GTPBP2: variants seen among roughly 807,000 people sequenced by gnomAD.
GTPBP2 encodes GTP binding protein 2, also known as GTP-binding protein 2.
In GTPBP2, 32 loss-of-function variants were observed where a neutral mutation model predicts 63.0. The observed-to-expected ratio is 0.51, with a 90% CI of 0.38 to 0.68. The LOEUF is 0.68. Among genes scored for constraint, GTPBP2 ranks in the 30% least tolerant of loss-of-function variants. The pLI is 0.00. For synonymous variants in GTPBP2, 310 were observed against 322.6 expected, an observed-to-expected ratio of 0.96 and a Z score of 0.42; for missense variants, 492 against 796.9, an observed-to-expected ratio of 0.62 and a Z score of 4.61.
At chr6:43,631,100 G>A (rs1328428833), upstream of GTPBP2, among the ~76,000 whole-genome samples, 10 of 152,132 alleles carry the variant, frequency 6.6e-5, no homozygotes, top group Admixed American at 6.5e-4. Flanking sequence ...TACTGATCAT[G>A]CTGTCCACAT....
Position 43,622,673 on chromosome 6 carries a change from G to C in GTPBP2, c.1427C>G (p.Thr476Arg). 1.2e-6 allele frequency: 2 copies of C among 1,614,034 alleles called. No individual in the cohort carries two copies. Among genetic ancestry groups the C allele is most frequent in the Non-Finnish European group, 1.7e-6 (2 of 1,179,898 alleles). Reference sequence around the variant, plus strand: ...ACGGTCAAAGTCCCCAAGCGCCAGTGTAGCAGCCTGACCAGCTCGCAGCAC... The same window carrying C: ...ACGGTCAAAGTCCCCAAGCGCCAGTCTAGCAGCCTGACCAGCTCGCAGCAC... ...CRVLRAGQAA[T>R]LALGDFDRAL... Residue 476 changes from threonine to arginine, a missense_variant, in exon 10 of 12, where the codon ACA becomes AGA. This residue lies in a region of GTPBP2 where 400 missense variants were observed against 710.8 expected (regional missense o/e 0.56). Coordinates refer to ENST00000307126, the MANE Select transcript of GTPBP2 (RefSeq NM_019096.5). This position sits in a 1 kb window ranked among gnomAD's most constrained non-coding sequence, Gnocchi z 5.4.
upstream of GTPBP2, chr6:43,629,546 A>T (rs555030318): frequency 3.1e-6 from 2 of 646,308 alleles, no homozygotes; most frequent in Non-Finnish European, 5.5e-6. Flanking sequence ...CTTGGGGGGA[A>T]TTTAGAGCCT....
Position 43,622,215 on chromosome 6 carries a change from G to GAA in GTPBP2, c.1468-49_1468-48insTT, listed in dbSNP as rs1323474133. 15 of 1,542,756 alleles carry GAA rather than the reference G, an allele frequency of 9.7e-6. No homozygotes were observed. In the Admixed American group the frequency reaches 1.7e-4, roughly 18 times the overall value. ...CCCAGGAAGGGCAGCTCTAACATCA[G>GAA]ACTCTCCCTCCCCAGCCACCCCACA... On this transcript the variant is annotated intron_variant, in intron 10 of 11. Coordinates refer to ENST00000307126, the MANE Select transcript of GTPBP2 (RefSeq NM_019096.5). The surrounding 1 kb of genome is among the most constrained non-coding windows in gnomAD (Gnocchi z 5.4).
chr6:43,623,697 TGAGGGCTGAGTGGG>T lies in GTPBP2; in HGVS notation c.1295+26_1295+39del, dbSNP rs1360277871. Reference sequence around the variant, plus strand: ...GCCAGGATGTCTTTGAGTATATAGGTGAGGGCTGAGTGGGGAGGGTAGCAAGCAAGACAATTTAC... The same window carrying T: ...GCCAGGATGTCTTTGAGTATATAGGTGAGGGTAGCAAGCAAGACAATTTAC... On this transcript the variant is annotated intron_variant, in intron 9 of 11. Coordinates refer to ENST00000307126, the MANE Select transcript of GTPBP2 (RefSeq NM_019096.5). The T allele has an allele frequency of 2.7e-6, 4 of 1,476,736 alleles. No homozygotes were observed. The African/African-American group carries it at 4.2e-5, about 15-fold the overall frequency. The allele number at this position is 1,476,736 out of a possible 1,614,324, so 91.5% of individuals were successfully genotyped here.
rs1343335853 is a variant in GTPBP2 at position 43,621,120 on chromosome 6, A to G, written c.*494T>C. On this transcript the variant is annotated 3_prime_UTR_variant, in exon 12 of 12. Transcript: ENST00000307126. ...CCATTTCTTCAGACTCTGGGCCGCCACCACCACCAGATGGCCAAGAGCAGA... is the reference window on the plus strand; with the variant it reads ...CCATTTCTTCAGACTCTGGGCCGCCGCCACCACCAGATGGCCAAGAGCAGA... The G allele has an allele frequency of 9.7e-6, 3 of 309,728 alleles. No homozygotes were observed. Among genetic ancestry groups the G allele is most frequent in the African/African-American group, 2.2e-5 (1 of 46,188 alleles). The allele number at this position is 309,728 out of a possible 1,614,324, so 19.2% of individuals were successfully genotyped here.
In GTPBP2 at chr6:43,629,115, T is replaced by G; in HGVS notation, c.48A>C (p.Gly16=). Residue 16 remains glycine (G), a synonymous_variant, in exon 1 of 12, where the codon GGA becomes GGC. Transcript: ENST00000307126. ...GGGTTCCGCCCACGGCCGGGCCCCCTCCGGGCCGGCAGCAGCCGCCGAACA... is the reference window on the plus strand; with the variant it reads ...GGGTTCCGCCCACGGCCGGGCCCCCGCCGGGCCGGCAGCAGCCGCCGAACA... The part of the protein sequence containing the change: ...SELFGGCCRP[G]GGPAVGGTLK... 1.8e-6 allele frequency: 2 copies of G among 1,120,080 alleles called. No individual in the cohort carries two copies. Among genetic ancestry groups the G allele is most frequent in the Non-Finnish European group, 2.4e-6 (2 of 828,044 alleles). The allele number at this position is 1,120,080 out of a possible 1,614,324, so 69.4% of individuals were successfully genotyped here.
At position 43,626,145 on chromosome 6, in the gene GTPBP2, C is replaced by T; in HGVS notation, c.398+81G>A. 7.5e-7 allele frequency: 1 copy of T among 1,336,316 alleles called. No homozygotes were observed. Among genetic ancestry groups the T allele is most frequent in the Non-Finnish European group, 1.1e-6 (1 of 950,428 alleles). The allele number at this position is 1,336,316 out of a possible 1,614,324, so 82.8% of individuals were successfully genotyped here. The stretch of plus-strand genomic sequence containing the variant: ...AAGAGAAGGAAAGTCCCACCTTGGC[C>T]CCTCAGGCCCTAGGTAACTGGGTAT... On this transcript the variant is annotated intron_variant, in intron 3 of 11. Transcript: ENST00000307126. The surrounding 1 kb of genome is among the most constrained non-coding windows in gnomAD (Gnocchi z 4.0).
In GTPBP2 at chr6:43,625,667, C is replaced by T; in HGVS notation, c.507+89G>A. On this transcript the variant is annotated intron_variant, in intron 4 of 11. Coordinates refer to ENST00000307126, the MANE Select transcript of GTPBP2 (RefSeq NM_019096.5). The surrounding 1 kb of genome is among the most constrained non-coding windows in gnomAD (Gnocchi z 5.1). ...TAGGGAGCAAGTGATGAACTGGAAG[C>T]CCCCAGGATCCCAGGCCAGGAGACA... is the stretch of plus-strand genomic sequence containing the variant. 1 of 1,386,232 alleles carries T rather than the reference C, an allele frequency of 7.2e-7. No homozygotes were observed. Among genetic ancestry groups the T allele is most frequent in the Non-Finnish European group, 1.0e-6 (1 of 973,356 alleles). The allele number at this position is 1,386,232 out of a possible 1,614,324, so 85.9% of individuals were successfully genotyped here.
chr6:43,629,793 C>A, upstream of GTPBP2: 1 of 1,562,792 alleles, frequency 6.4e-7, no homozygotes, highest in Admixed American at 1.9e-5. Flanking sequence ...AACGCCAGGG[C>A]GGAGGCGGAT....
At position 43,623,784 on chromosome 6, in the gene GTPBP2, G is replaced by A; in HGVS notation, c.1248C>T (p.Ile416=). The A allele has an allele frequency of 6.2e-7, 1 of 1,613,608 alleles. No homozygotes were observed. Among genetic ancestry groups the A allele is most frequent in the Non-Finnish European group, 8.5e-7 (1 of 1,179,480 alleles). Residue 416 remains isoleucine, a synonymous_variant, in exon 9 of 12, where the codon ATC becomes ATT. Transcript: ENST00000307126. ...CAGTCCCCACCTCTGGTACTGTGTA[G>A]ATTTCATCCACCTGAAGCCAAAGAA... ...QQLTEFQVDE[I]YTVPEVGTVV...
At position 43,623,764 on chromosome 6, in the gene GTPBP2, C is replaced by T; in HGVS notation, c.1268G>A (p.Gly423Glu). The change falls in exon 9 of 12, where the codon GGG becomes GAG. Residue 423 changes from glycine to glutamate, a missense_variant. Coordinates refer to ENST00000307126, the MANE Select transcript of GTPBP2 (RefSeq NM_019096.5). ...GGAAAGTGTTCCTCCAACAACAGTC[C>T]CCACCTCTGGTACTGTGTAGATTTC... is the stretch of plus-strand genomic sequence containing the variant. Reference protein sequence around the residue: ...VDEIYTVPEVGTVVGGTLSSG... With the variant: ...VDEIYTVPEVETVVGGTLSSG... The T allele has an allele frequency of 6.2e-7, 1 of 1,613,664 alleles. No individual in the cohort carries two copies. Among genetic ancestry groups the T allele is most frequent in the Non-Finnish European group, 8.5e-7 (1 of 1,179,602 alleles).
chr6:43,630,843 A>G (rs893784635), upstream of GTPBP2, among the ~76,000 whole-genome samples: 3 of 134,888 alleles, frequency 2.2e-5, no homozygotes, highest in African/African-American at 8.5e-5. Context: ...CGGGAGGTAG[A>G]GGTTATAGTG....
upstream of GTPBP2, chr6:43,629,822 G>A: frequency 6.5e-7 from 1 of 1,544,056 alleles, no homozygotes; most frequent in Non-Finnish European, 8.7e-7. Flanking sequence ...GCCAAATTAC[G>A]GCTGTTATTG....
rs564394746 is a variant in GTPBP2, at chr6:43,624,394, G to A, written c.1100+116C>T. ...TCCACAATCCCAAGCTGAAACACCC[G>A]CAGAACTAAGCCAGAACTGGTCTGG... On this transcript the variant is annotated intron_variant, in intron 7 of 11. Transcript: ENST00000307126. This position sits in a 1 kb window ranked among gnomAD's most constrained non-coding sequence, Gnocchi z 5.1. 2.0e-5 allele frequency: 16 copies of A among 788,524 alleles called. No homozygotes were observed. The highest frequency in any genetic ancestry group is 1.9e-4 in the African/African-American group (11 of 59,026). 48.8% of individuals were successfully genotyped at this position (788,524 alleles called of 1,614,324 possible).
chr6:43,630,105 C>T (rs1302693874), upstream of GTPBP2, among the ~76,000 whole-genome samples: 2 of 152,192 alleles, frequency 1.3e-5, no homozygotes, highest in Non-Finnish European at 2.9e-5. Flanking sequence ...TCGGGCGGGG[C>T]TAGGGCTCGG....
At chr6:43,628,708 T>G in intron 1 of GTPBP2, 5 of 681,714 alleles carry the variant, frequency 7.3e-6, no homozygotes, top group East Asian at 3.3e-5. Context: ...GGGATCCCCT[T>G]TCTCTACTTC....
At position 43,624,596 on chromosome 6, in the gene GTPBP2, C is replaced by T; in HGVS notation, c.1014G>A (p.Lys338=). ...RTVRQLERVL[K]QPGCHKVPML... is the part of the protein sequence containing the mutation. ...TGGGGACCTTGTGGCAGCCAGGCTGCTTGAGGACCCGCTCCAGCTGGCGTA... is the reference window on the plus strand; with the variant it reads ...TGGGGACCTTGTGGCAGCCAGGCTGTTTGAGGACCCGCTCCAGCTGGCGTA... The change falls in exon 7 of 12, where the codon AAG becomes AAA. Residue 338 remains lysine, a synonymous_variant. Coordinates refer to ENST00000307126, the MANE Select transcript of GTPBP2 (RefSeq NM_019096.5). This position sits in a 1 kb window ranked among gnomAD's most constrained non-coding sequence, Gnocchi z 5.1. 1 of 1,614,144 alleles carries T rather than the reference C, an allele frequency of 6.2e-7. No homozygotes were observed. Among genetic ancestry groups the T allele is most frequent in the Non-Finnish European group, 8.5e-7 (1 of 1,180,012 alleles).
chr6:43,630,908 C>CAA (rs753239311), upstream of GTPBP2, among the ~76,000 whole-genome samples: 598 of 51,696 alleles, frequency 0.012, 21 homozygotes, highest in African/African-American at 0.02. Flanking sequence ...GACTTCGTCT[C>CAA]AAAAAAAAAA....
chr6:43,628,765 T>G (rs1290035882), intron 1 of GTPBP2: 1 of 787,724 alleles, frequency 1.3e-6, no homozygotes, highest in African/African-American at 1.7e-5. Flanking sequence ...CCCTCTCCAC[T>G]CTTCCTCCCT....
Sources: allele counts gnomAD v4.1 joint callset (sites outside exome capture counted in the v4.1 genomes callset), GRCh38; gene constraint gnomAD v4.1.1; regional missense constraint gnomAD v4.1.1; non-coding constraint Gnocchi (gnomAD v3.1); transcripts MANE v1.5; gene names NCBI Gene and HGNC (gene_info 2026-07-23, HGNC 2026-07-21).